PLA2G4F: variants seen among roughly 807,000 people sequenced by gnomAD.
PLA2G4F encodes cytosolic phospholipase A2 zeta.
A neutral mutation model predicts 103.1 loss-of-function variants in PLA2G4F; 105 were observed. The ratio of observed to expected loss-of-function variants is 1.02; its 90% CI spans 0.87 to 1.20. The LOEUF (loss-of-function observed/expected upper bound fraction) is 1.20. Among genes scored for constraint, PLA2G4F ranks in the 50% most tolerant of loss-of-function variants. PLA2G4F has a pLI of 0.00. For missense variants in PLA2G4F, 1,155 were observed against 1,075.9 expected (o/e 1.07, Z -1.03); for synonymous variants, 468 against 441.1 (o/e 1.06, Z -0.76).
chr15:42,145,723 GC>G, intron 15 of PLA2G4F, 41 bp from the exon 16 acceptor site: 4 of 1,613,374 alleles, frequency 2.5e-6, no homozygotes, highest in Non-Finnish European at 3.4e-6. Flanking sequence ...TCAGGGCCTG[GC>G]CCCGGCACCT....
At chr15:42,146,763 C>CG (rs1324411338) in intron 13 of PLA2G4F, 1 of 250,974 alleles carries the variant, frequency 4.0e-6, no homozygotes, top group African/African-American at 2.2e-5. Context: ...GTGGGTGTGG[C>CG]GCTGGGCCTC....
chr15:42,145,009 G>A (rs2048866653), intron 16 of PLA2G4F, among the ~76,000 whole-genome samples: 1 of 152,186 alleles, frequency 6.6e-6, no homozygotes, highest in South Asian at 2.1e-4. Flanking sequence ...AAGGTGAACG[G>A]GACCTGCCCT....
rs748774305 is a variant in PLA2G4F, at chr15:42,141,955, C to T, written c.*29G>A. On this transcript the variant is annotated 3_prime_UTR_variant, in exon 20 of 20. Coordinates refer to ENST00000397272, the MANE Select transcript of PLA2G4F (RefSeq NM_213600.4). ...TGACCATGAGCAGTGTGTCTCCTCT[C>T]TGTCACAGTCCTCCGCTTCCTGCCT... is the stretch of plus-strand genomic sequence containing the variant. The T allele has an allele frequency of 1.3e-6, 2 of 1,589,064 alleles. No individual in the cohort carries two copies. The highest frequency in any genetic ancestry group is 2.2e-5 in the East Asian group (1 of 44,786).
Position 42,140,176 on chromosome 15 carries a change from C to T in PLA2G4F, c.*1808G>A, listed in dbSNP as rs1466515113. 1 of 152,134 alleles carries T rather than the reference C, an allele frequency of 6.6e-6. No homozygotes were observed. Among genetic ancestry groups the T allele is most frequent in the Admixed American group, 6.5e-5 (1 of 15,270 alleles). 9.4% of individuals were successfully genotyped at this position (152,134 alleles called of 1,614,324 possible). Reference sequence around the variant, plus strand: ...CGATCCATTTCTTAGAATGTAGGTTCCCATTCATTTATCAAATATTTACTG... The same window carrying T: ...CGATCCATTTCTTAGAATGTAGGTTTCCATTCATTTATCAAATATTTACTG... On this transcript the variant is annotated 3_prime_UTR_variant, in exon 20 of 20. Coordinates refer to ENST00000397272, the MANE Select transcript of PLA2G4F (RefSeq NM_213600.4).
chr15:42,142,481 C>CG (rs760150529), intron 19 of PLA2G4F, 47 bp downstream of exon 19: 8 of 1,548,624 alleles, frequency 5.2e-6, no homozygotes, highest in Non-Finnish European at 6.1e-6. Flanking sequence ...GTCCCATCAC[C>CG]ATCCCAGGGC....
intron 2 of PLA2G4F, 155 bp from the exon 3 acceptor site, chr15:42,154,613 G>T: frequency 3.9e-6 from 3 of 769,528 alleles, no homozygotes; most frequent in Non-Finnish European, 5.8e-6. Flanking sequence ...GAGCCTTGAT[G>T]TCTTTCACTC....
In PLA2G4F at chr15:42,150,722, C is replaced by T. The variant is rs1260852083; in HGVS notation, c.657G>A (p.Leu219=). The T allele has an allele frequency of 6.2e-7, 1 of 1,612,724 alleles. No homozygotes were observed. The highest frequency in any genetic ancestry group is 1.7e-5 in the Admixed American group (1 of 59,792). The part of the protein sequence containing the change: ...VPGAYEKPQL[L]PLQPPTEPGL... ...CTGGCTCTGTGGGAGGCTGCAGGGG[C>T]AAGAGCTGTGGCTTCTCGTAGGCTC... is the stretch of plus-strand genomic sequence containing the variant. Residue 219 remains leucine (L), a synonymous_variant, in exon 8 of 20, where the codon TTG becomes TTA. Coordinates refer to ENST00000397272, the MANE Select transcript of PLA2G4F (RefSeq NM_213600.4).
chr15:42,146,651 G>A, intron 13 of PLA2G4F: 1 of 224,818 alleles, frequency 4.4e-6, no homozygotes, highest in Non-Finnish European at 8.9e-6. Context: ...CACACACGGG[G>A]TGGTGGGGAG....
intron 16 of PLA2G4F, 120 bp from the exon 17 acceptor site, chr15:42,144,764 CCT>C: frequency 9.9e-7 from 1 of 1,008,374 alleles, no homozygotes; most frequent in African/African-American, 1.6e-5. Context: ...CCTCCTCCTC[CCT>C]GACCCCACCT....
Position 42,155,536 on chromosome 15 carries a change from G to A in PLA2G4F, c.165C>T (p.Asn55=), listed in dbSNP as rs538878919. The change falls in exon 2 of 20, where the codon AAC becomes AAT. Residue 55 remains asparagine (N), a synonymous_variant. Transcript: ENST00000397272. ...ACTCACGCAGGTCTGTGCCCCGGAT[G>A]TTTGTGGCCCTCAGCACCTTCACCT... ...DLQVKVLRAT[N]IRGTDLLSKA... The A allele has an allele frequency of 1.2e-6, 2 of 1,614,156 alleles. No homozygotes were observed. The highest frequency in any genetic ancestry group is 1.1e-5 in the South Asian group (1 of 91,092).
At chr15:42,144,413 G>A in intron 17 of PLA2G4F, 37 bp downstream of exon 17, 1 of 1,605,498 alleles carries the variant, frequency 6.2e-7, no homozygotes, top group East Asian at 2.2e-5. Context: ...CAGGCAGGAA[G>A]GGAAGCCCCC....
intron 11 of PLA2G4F, among the ~76,000 whole-genome samples, chr15:42,148,043 G>A (rs919349755): frequency 6.6e-6 from 1 of 152,148 alleles, no homozygotes; most frequent in Non-Finnish European, 1.5e-5. Flanking sequence ...GCCGGGCATG[G>A]TGGTGGGCGC....
In PLA2G4F at chr15:42,145,895, C is replaced by G. The variant is rs200522198; in HGVS notation, c.1543G>C (p.Glu515Gln). The G allele has an allele frequency of 5.0e-6, 8 of 1,613,956 alleles. No homozygotes were observed. Among genetic ancestry groups the G allele is most frequent in the Middle Eastern group, 1.6e-4 (1 of 6,062 alleles). The change falls in exon 15 of 20, where the codon GAG becomes CAG. Residue 515 changes from glutamate to glutamine, a missense_variant. Glu to Gln is a conservative substitution (Grantham distance 29). Transcript: ENST00000397272. ...AAGCCAACCTCATAGGGCGTGAACT[C>G]GCACCACTCTAGGGGCCCGAGTGAA... ...LSGEDFAEWCEFTPYEVGFPK... is the reference protein window; with the variant it reads ...LSGEDFAEWCQFTPYEVGFPK...
chr15:42,146,266 CT>C, intron 13 of PLA2G4F, 25 bp from the exon 14 acceptor site: 1 of 1,607,412 alleles, frequency 6.2e-7, no homozygotes, highest in South Asian at 1.1e-5. Context: ...AGGGAGGCAG[CT>C]TGGCCTTTCA....
chr15:42,149,628 C>G (rs2048932133), intron 11 of PLA2G4F, 85 bp downstream of exon 11: 13 of 1,564,554 alleles, frequency 8.3e-6, no homozygotes, highest in Admixed American at 3.6e-5. Context: ...CCTCTGGCCC[C>G]TCTTAGCCAT....
intron 2 of PLA2G4F, among the ~76,000 whole-genome samples, chr15:42,155,027 CTCAG>C (rs1199510282): frequency 8.5e-5 from 13 of 152,078 alleles, no homozygotes; most frequent in African/African-American, 2.9e-4. Flanking sequence ...CACACTCGTA[CTCAG>C]TCACACACAC....
Position 42,141,553 on chromosome 15 carries a change from T to C in PLA2G4F, c.*431A>G, listed in dbSNP as rs1451820879. The C allele has an allele frequency of 4.4e-6, 2 of 456,712 alleles. No individual in the cohort carries two copies. Among genetic ancestry groups the C allele is most frequent in the African/African-American group, 4.0e-5 (2 of 49,962 alleles). The allele number at this position is 456,712 out of a possible 1,614,324, so 28.3% of individuals were successfully genotyped here. ...TGGGCCGCTCTGCAGGAAGTGTGGA[T>C]GGATGCATCTCTGCTTTCCATCTCA... On this transcript the variant is annotated 3_prime_UTR_variant, in exon 20 of 20. Transcript: ENST00000397272.
In PLA2G4F at chr15:42,142,654, C is replaced by T. The variant is rs548267778; in HGVS notation, c.2203G>A (p.Val735Met). Residue 735 changes from valine (V) to methionine (M), a missense_variant, in exon 19 of 20, where the codon GTG becomes ATG. This residue lies in a region of PLA2G4F where 782 missense variants were observed against 692.9 expected (regional missense o/e 1.13). Coordinates refer to ENST00000397272, the MANE Select transcript of PLA2G4F (RefSeq NM_213600.4). ...GCCTCCTCCATGTCCTCAGGGCCCA[C>T]CTCGATGCTAGGGAAGGGGATTCCT... ...DRGIPFPSIE[V>M]GPEDMEEARE... The T allele has an allele frequency of 4.3e-6, 7 of 1,614,130 alleles. No homozygotes were observed. The highest frequency in any genetic ancestry group is 3.3e-5 in the Admixed American group (2 of 60,024).
chr15:42,142,910 G>C (rs990095347), intron 18 of PLA2G4F, among the ~76,000 whole-genome samples, 196 bp from the exon 19 acceptor site: 7 of 152,086 alleles, frequency 4.6e-5, no homozygotes, highest in African/African-American at 1.7e-4. Context: ...GCCGGGCATG[G>C]TGGCTCATGC....
Sources: gnomAD v4.1 joint callset for allele counts (sites outside exome capture counted in the v4.1 genomes callset) on GRCh38, gnomAD v4.1.1 for gene constraint, gnomAD v4.1.1 regional missense constraint, MANE v1.5 for transcripts, NCBI Gene and HGNC (gene_info 2026-07-23, HGNC 2026-07-21) for gene names.